Variants in CLINT1 observed in about 807,000 individuals in gnomAD.
CLINT1 encodes clathrin interacting protein localized in the trans-Golgi region.
Under a neutral mutation model 70.4 loss-of-function variants are expected in CLINT1, and 15 were observed. That is an observed-to-expected ratio of 0.21 (90% confidence interval 0.14 to 0.33). The LOEUF (loss-of-function observed/expected upper bound fraction) is 0.33. Among genes scored for constraint, CLINT1 ranks in the 10% least tolerant of loss-of-function variants. The pLI is 1.00. For synonymous variants in CLINT1, 227 were observed against 254.7 expected (o/e 0.89, Z 1.04); for missense variants, 615 against 778.1 (o/e 0.79, Z 2.49).
intron 1 of CLINT1, among the ~76,000 whole-genome samples, chr5:157,833,472 T>C (rs996676045): frequency 1.3e-5 from 2 of 152,176 alleles, no homozygotes; most frequent in Admixed American, 1.3e-4. Context: ...AATAGGCCTT[T>C]TGCACAGGCT....
intron 1 of CLINT1, among the ~76,000 whole-genome samples, chr5:157,847,849 A>G (rs1753435327): frequency 6.6e-6 from 1 of 152,168 alleles, no homozygotes; most frequent in South Asian, 2.1e-4. Flanking sequence ...GTCTCCCTCC[A>G]TTGCCCAGGC....
chr5:157,820,384 G>C (rs1762843780), intron 1 of CLINT1, among the ~76,000 whole-genome samples: 1 of 152,100 alleles, frequency 6.6e-6, no homozygotes, highest in Non-Finnish European at 1.5e-5. Context: ...AGGAGGTTGA[G>C]GCTACAGAGA....
chr5:157,792,962 A>C (rs1761963931), intron 9 of CLINT1, among the ~76,000 whole-genome samples: 1 of 152,250 alleles, frequency 6.6e-6, no homozygotes. Context: ...GTTCATTTAC[A>C]ACTTGGAAAT....
intron 1 of CLINT1, among the ~76,000 whole-genome samples, chr5:157,831,344 C>T (rs1372629633): frequency 6.6e-6 from 1 of 151,776 alleles, no homozygotes; most frequent in African/African-American, 2.4e-5. Context: ...GCATGCCACC[C>T]TGCCCAGCTA....
At chr5:157,805,605 T>TA (rs1762361719) in intron 7 of CLINT1, among the ~76,000 whole-genome samples, 1 of 152,342 alleles carries the variant, frequency 6.6e-6, no homozygotes, top group South Asian at 2.1e-4. Flanking sequence ...ACAGAGGCAC[T>TA]ACATTCTGAT....
intron 1 of CLINT1, among the ~76,000 whole-genome samples, chr5:157,835,263 T>C (rs533153356): frequency 6.6e-6 from 1 of 152,220 alleles, no homozygotes; most frequent in Non-Finnish European, 1.5e-5. Context: ...GCGTGTGAGA[T>C]AAGCCCTGTT....
intron 10 of CLINT1, 33 bp from the exon 11 acceptor site, chr5:157,789,546 C>G (rs765711696): frequency 1.9e-6 from 3 of 1,613,946 alleles, no homozygotes; most frequent in Non-Finnish European, 1.7e-6. Context: ...TTCTGCAGCA[C>G]TGTGCTAACA....
chr5:157,809,555 A>G lies in CLINT1; in HGVS notation c.695+73T>C. ...TGTTAATACCCCAAACAAAACCAAC[A>G]AAAAACCAAAAACCCAGTGGCATAA... On this transcript the variant is annotated intron_variant, in intron 6 of 11. Coordinates refer to ENST00000411809, the MANE Select transcript of CLINT1 (RefSeq NM_014666.4). 2.8e-6 allele frequency: 4 copies of G among 1,409,954 alleles called. No individual in the cohort carries two copies. The South Asian group carries it at 4.5e-5, about 16-fold the overall frequency. The allele number at this position is 1,409,954 out of a possible 1,614,324, so 87.3% of individuals were successfully genotyped here. A position where few individuals can be genotyped will look rare whatever the true frequency, so the allele number is the denominator to read the frequency against.
intron 1 of CLINT1, among the ~76,000 whole-genome samples, chr5:157,825,250 A>T (rs1561658600): frequency 6.6e-6 from 1 of 152,170 alleles, no homozygotes; most frequent in African/African-American, 2.4e-5. Flanking sequence ...TCAACTATGT[A>T]CACAAATGAC....
At chr5:157,856,963 T>C (rs1561681824) in intron 1 of CLINT1, among the ~76,000 whole-genome samples, 1 of 152,232 alleles carries the variant, frequency 6.6e-6, no homozygotes. Flanking sequence ...AGTAGGAATA[T>C]TGCCTCGATT....
chr5:157,852,453 T>C lies in CLINT1; in HGVS notation c.41+6477A>G, dbSNP rs529509333. Among the ~76,000 whole-genome samples, 11 of 152,314 alleles carry C rather than the reference T, an allele frequency of 7.2e-5. No individual in the cohort carries two copies. The East Asian group carries it at 2.1e-3, about 29-fold the overall frequency. On this transcript the variant is annotated intron_variant, in intron 1 of 11. Coordinates refer to ENST00000411809, the MANE Select transcript of CLINT1 (RefSeq NM_014666.4). Reference sequence around the variant, plus strand: ...CATGGATGAAGATATAGTTCCTACATACTTACAAATAACCTAGTCTGACAA... The same window carrying C: ...CATGGATGAAGATATAGTTCCTACACACTTACAAATAACCTAGTCTGACAA...
intron 1 of CLINT1, among the ~76,000 whole-genome samples, chr5:157,848,973 T>A (rs1753480458): frequency 6.6e-6 from 1 of 152,176 alleles, no homozygotes; most frequent in Non-Finnish European, 1.5e-5. Flanking sequence ...AATTTTTGTA[T>A]TTTTAGTAGA....
chr5:157,856,124 G>A (rs1272603431), intron 1 of CLINT1, among the ~76,000 whole-genome samples: 1 of 152,116 alleles, frequency 6.6e-6, no homozygotes, highest in Admixed American at 6.6e-5. Flanking sequence ...AAATATTTAA[G>A]TATAACATTT....
intron 1 of CLINT1, among the ~76,000 whole-genome samples, chr5:157,835,990 T>C (rs1255178770): frequency 6.6e-6 from 1 of 152,234 alleles, no homozygotes; most frequent in African/African-American, 2.4e-5. Context: ...TTTCTATAGA[T>C]GTACCAATTC....
Position 157,851,575 on chromosome 5 carries a change from C to T in CLINT1, c.41+7355G>A, listed in dbSNP as rs137974549. On this transcript the variant is annotated intron_variant, in intron 1 of 11. Coordinates refer to ENST00000411809, the MANE Select transcript of CLINT1 (RefSeq NM_014666.4). ...TTGTGACATGTGTCTGTCGTCCCAG[C>T]TACTTGGGAGGATCGCTTAAGCTAC... 3.6e-3 allele frequency among the ~76,000 whole-genome samples: 457 copies of T among 127,852 alleles called. 9 individuals carry two copies. The highest frequency in any genetic ancestry group is 0.031 in the Admixed American group (401 of 12,974). The allele number at this position is 127,852 out of a possible 152,430, so 83.9% of individuals were successfully genotyped here.
At chr5:157,843,450 A>G (rs1356546196) in intron 1 of CLINT1, among the ~76,000 whole-genome samples, 1 of 152,208 alleles carries the variant, frequency 6.6e-6, no homozygotes, top group African/African-American at 2.4e-5. Flanking sequence ...TAACTTACAC[A>G]ATAGTGGTTG....
In CLINT1 at chr5:157,786,768, A is replaced by C. The variant is rs1042042940; in HGVS notation, c.*878T>G. 1.1e-4 allele frequency: 16 copies of C among 149,506 alleles called. No homozygotes were observed. Among genetic ancestry groups the C allele is most frequent in the East Asian group, 7.8e-4 (4 of 5,132 alleles). The allele number at this position is 149,506 out of a possible 1,614,324, so 9.3% of individuals were successfully genotyped here. A position where few individuals can be genotyped will look rare whatever the true frequency, so the allele number is the denominator to read the frequency against. On this transcript the variant is annotated 3_prime_UTR_variant, in exon 12 of 12. Coordinates refer to ENST00000411809, the MANE Select transcript of CLINT1 (RefSeq NM_014666.4). ...TGGATTTTTACCTTTGCAGACACCC[A>C]AAAAAAAAATAAAATAAATATTTTT...
chr5:157,832,999 T>C (rs1159108388), intron 1 of CLINT1, among the ~76,000 whole-genome samples: 1 of 152,172 alleles, frequency 6.6e-6, no homozygotes, highest in Non-Finnish European at 1.5e-5. Flanking sequence ...TACAAATCCT[T>C]ACTAATTGAA....
At chr5:157,836,157 G>A (rs1231140514) in intron 1 of CLINT1, among the ~76,000 whole-genome samples, 1 of 152,090 alleles carries the variant, frequency 6.6e-6, no homozygotes, top group African/African-American at 2.4e-5. Context: ...CCACAATACA[G>A]CCATATTTGT....
Sources: gnomAD v4.1 joint callset for allele counts (sites outside exome capture counted in the v4.1 genomes callset) on GRCh38, gnomAD v4.1.1 for gene constraint, MANE v1.5 for transcripts, NCBI Gene and HGNC (gene_info 2026-07-23, HGNC 2026-07-21) for gene names.